DHRSX: variants seen among roughly 807,000 people sequenced by gnomAD.
DHRSX encodes the protein polyprenol dehydrogenase.
In DHRSX, 31 loss-of-function variants were observed where a neutral mutation model predicts 34.0. The observed-to-expected ratio is 0.91, with a 90% CI of 0.69 to 1.23. The LOEUF (loss-of-function observed/expected upper bound fraction) is 1.23, where lower values mean the gene tolerates loss of function less well. Among genes scored for constraint, DHRSX ranks in the 50% most tolerant of loss-of-function variants. The pLI is 0.00. For missense variants in DHRSX, 414 were observed against 428.1 expected, an observed-to-expected ratio of 0.97 and a Z score of 0.29; for synonymous variants, 201 against 183.8, an observed-to-expected ratio of 1.09 and a Z score of -0.76.
At chrX:2,392,414 G>C in intron 3 of DHRSX, 1 of 291,392 alleles carries the variant, frequency 3.4e-6, no homozygotes, top group Non-Finnish European at 6.9e-6. Context: ...GGCTGAGGTG[G>C]GAGGATCGCT....
At chrX:2,441,858 G>T (rs1345569635) in intron 1 of DHRSX, among the ~76,000 whole-genome samples, 2 of 152,018 alleles carry the variant, frequency 1.3e-5, no homozygotes, top group African/African-American at 4.8e-5. Flanking sequence ...GGATCACGAG[G>T]TCAGGAGTTC....
intron 5 of DHRSX, among the ~76,000 whole-genome samples, chrX:2,263,213 C>G (rs1416007812): frequency 6.6e-6 from 1 of 152,186 alleles, no homozygotes; most frequent in African/African-American, 2.4e-5. Context: ...TCTCCAAATT[C>G]CTACATGGAA....
At chrX:2,451,463 T>G (rs1450200514) in intron 1 of DHRSX, among the ~76,000 whole-genome samples, 2 of 152,084 alleles carry the variant, frequency 1.3e-5, no homozygotes, top group East Asian at 1.9e-4. Context: ...CTGATCTGGG[T>G]GGGGCTGGGA....
intron 2 of DHRSX, among the ~76,000 whole-genome samples, chrX:2,415,434 C>T (rs2043681057): frequency 1.3e-5 from 2 of 151,876 alleles, no homozygotes. Context: ...AATGAGACCT[C>T]ATCATAACTT....
chrX:2,476,482 A>C (rs1275452875), intron 1 of DHRSX, among the ~76,000 whole-genome samples: 2 of 152,150 alleles, frequency 1.3e-5, no homozygotes, highest in East Asian at 3.8e-4. Context: ...TATCTGTAAT[A>C]GTGCATCAGG....
At chrX:2,455,741 C>CAAAAAAAAAAAAAAAAAA (rs752123891) in intron 1 of DHRSX, among the ~76,000 whole-genome samples, 1 of 59,804 alleles carries the variant, frequency 1.7e-5, no homozygotes, top group African/African-American at 6.6e-5. Context: ...AACTTCGTCT[C>CAAAAAAAAAAAAAAAAAA]AAAAAAAAAA....
chrX:2,441,066 A>G (rs1329795063), intron 1 of DHRSX, among the ~76,000 whole-genome samples: 4 of 152,172 alleles, frequency 2.6e-5, no homozygotes, highest in African/African-American at 9.7e-5. Context: ...GCCACATTCA[A>G]GTTCTGGAAC....
At chrX:2,429,413 T>C (rs1348057062) in intron 1 of DHRSX, among the ~76,000 whole-genome samples, 1 of 151,206 alleles carries the variant, frequency 6.6e-6, no homozygotes, top group East Asian at 1.9e-4. Flanking sequence ...CAGCTAAACT[T>C]GGAAAAGCAG....
intron 1 of DHRSX, among the ~76,000 whole-genome samples, chrX:2,429,846 G>C (rs1392727205): frequency 6.7e-6 from 1 of 149,158 alleles, no homozygotes; most frequent in Non-Finnish European, 1.5e-5. Flanking sequence ...CTTTGCAGAT[G>C]ATATGATGGT....
intron 3 of DHRSX, among the ~76,000 whole-genome samples, chrX:2,330,308 G>C (rs1329232268): frequency 6.6e-6 from 1 of 151,654 alleles, no homozygotes; most frequent in Non-Finnish European, 1.5e-5. Flanking sequence ...GGATCACGAG[G>C]TCAGGAGACT....
intron 3 of DHRSX, among the ~76,000 whole-genome samples, chrX:2,371,055 G>A (rs1186890148): frequency 1.3e-5 from 2 of 152,088 alleles, no homozygotes; most frequent in East Asian, 1.9e-4. Context: ...TATAGGCAGC[G>A]TCCACCAGTG....
intron 3 of DHRSX, among the ~76,000 whole-genome samples, chrX:2,392,900 T>C (rs1385026132): frequency 1.6e-5 from 2 of 127,046 alleles, no homozygotes; most frequent in Admixed American, 8.6e-5. Context: ...GTGCATATTA[T>C]ATTATGTTTT....
chrX:2,490,387 G>C, intron 1 of DHRSX: 1 of 1,613,778 alleles, frequency 6.2e-7, no homozygotes, highest in South Asian at 1.1e-5. Context: ...CGGCCTTGAC[G>C]GCCAGCGCGT....
rs897185301 is a variant in DHRSX, at chrX:2,488,633, C to T, written c.109+12184G>A. On this transcript the variant is annotated intron_variant, in intron 1 of 6. Coordinates refer to ENST00000334651, the MANE Select transcript of DHRSX (RefSeq NM_145177.3). ...TGACTTGTAAGACAACACGCTTCCT[C>T]GCTACAGGAAGCTGCTGTCCCTAAT... 4 of 1,591,508 alleles carry T rather than the reference C, an allele frequency of 2.5e-6. No individual in the cohort carries two copies. In the East Asian group the frequency reaches 6.7e-5, roughly 27 times the overall value.
At chrX:2,324,671 C>A (rs1416571942) in intron 3 of DHRSX, among the ~76,000 whole-genome samples, 1 of 152,088 alleles carries the variant, frequency 6.6e-6, no homozygotes, top group Admixed American at 6.6e-5. Context: ...CTCCACCCAA[C>A]AGGCAACTCA....
intron 4 of DHRSX, among the ~76,000 whole-genome samples, chrX:2,275,420 A>C (rs1488942661): frequency 6.6e-6 from 1 of 151,466 alleles, no homozygotes; most frequent in Non-Finnish European, 1.5e-5. Context: ...GAGGCAGGAG[A>C]ATTTCTGGAA....
chrX:2,285,834 G>A (rs189985847), intron 4 of DHRSX, among the ~76,000 whole-genome samples: 6 of 152,218 alleles, frequency 3.9e-5, no homozygotes, highest in East Asian at 1.9e-4. Context: ...ACAAACCAAC[G>A]AGAAAAATCC....
At chrX:2,338,939 T>C (rs1408015104) in intron 3 of DHRSX, among the ~76,000 whole-genome samples, 1 of 151,928 alleles carries the variant, frequency 6.6e-6, no homozygotes, top group Non-Finnish European at 1.5e-5. Flanking sequence ...GACCACCTAC[T>C]TCCCACTCCC....
intron 1 of DHRSX, among the ~76,000 whole-genome samples, chrX:2,492,453 G>T (rs1036602410): frequency 1.3e-5 from 2 of 149,974 alleles, no homozygotes; most frequent in Non-Finnish European, 3.0e-5. Flanking sequence ...ATAAAATCAT[G>T]GTGGATTGAA....
Sources: allele counts gnomAD v4.1 joint callset (sites outside exome capture counted in the v4.1 genomes callset), GRCh38; gene constraint gnomAD v4.1.1; transcripts MANE v1.5; gene names NCBI Gene and HGNC (gene_info 2026-07-23, HGNC 2026-07-21).